TRPM7: variants seen among roughly 807,000 people sequenced by gnomAD.
TRPM7 encodes the protein LTRPC ion channel family member 7.
TRPM7 carries 134 observed loss-of-function variants against 229.7 expected under a neutral mutation model. That is an observed-to-expected ratio of 0.58 (90% CI 0.51 to 0.67). TRPM7 has a LOEUF of 0.67. Among genes scored for constraint, TRPM7 ranks in the 30% least tolerant of loss-of-function variants. The pLI is 0.00. For synonymous variants in TRPM7, 699 were observed against 715.2 expected, an observed-to-expected ratio of 0.98 and a Z score of 0.36; for missense variants, 1,901 against 2,210.0, an observed-to-expected ratio of 0.86 and a Z score of 2.80.
chr15:50,623,342 G>A (rs1028016498), intron 12 of TRPM7, among the ~76,000 whole-genome samples: 6 of 151,982 alleles, frequency 3.9e-5, no homozygotes, highest in African/African-American at 1.5e-4. Context: ...AACCAGGGAG[G>A]CGGAGGCTGC....
chr15:50,667,685 C>T (rs920465394), intron 1 of TRPM7, among the ~76,000 whole-genome samples: 3 of 152,098 alleles, frequency 2.0e-5, no homozygotes, highest in Admixed American at 6.5e-5. Context: ...CCAGCCTGGG[C>T]AACAGAAGGA....
intron 4 of TRPM7, among the ~76,000 whole-genome samples, chr15:50,648,058 G>A (rs1567078224): frequency 6.6e-6 from 1 of 152,152 alleles, no homozygotes; most frequent in Non-Finnish European, 1.5e-5. Context: ...TGATAGGCGT[G>A]AGCCACTGTG....
chr15:50,566,678 G>C (rs182503357), intron 38 of TRPM7, among the ~76,000 whole-genome samples: 28 of 152,236 alleles, frequency 1.8e-4, no homozygotes, highest in Admixed American at 1.5e-3. Flanking sequence ...CCTGGTGACA[G>C]AGTGAGACTC....
Position 50,632,823 on chromosome 15 carries a change from A to G in TRPM7, c.1131+46T>C, listed in dbSNP as rs766437420. 2.0e-6 allele frequency: 3 copies of G among 1,466,982 alleles called. No homozygotes were observed. The Admixed American group carries it at 8.0e-5, about 39-fold the overall frequency. The allele number at this position is 1,466,982 out of a possible 1,614,324, so 90.9% of individuals were successfully genotyped here. ...GTTTAGAATGTGTTTTGAATGAAAG[A>G]AAAATGGCCTATCAGCTTTTTAAAT... On this transcript the variant is annotated intron_variant, in intron 9 of 38. Coordinates refer to ENST00000646667, the MANE Select transcript of TRPM7 (RefSeq NM_017672.6).
chr15:50,651,750 C>A (rs1011208326), intron 3 of TRPM7, among the ~76,000 whole-genome samples: 59 of 151,772 alleles, frequency 3.9e-4, no homozygotes, highest in African/African-American at 1.3e-3. Flanking sequence ...ATAAGCTGGG[C>A]GTCGTGGCAG....
chr15:50,569,315 A>G (rs962248579), intron 38 of TRPM7, among the ~76,000 whole-genome samples: 5 of 152,242 alleles, frequency 3.3e-5, no homozygotes, highest in African/African-American at 1.2e-4. Flanking sequence ...CTGCATACAA[A>G]GATGATGTTA....
At position 50,614,804 on chromosome 15, in the gene TRPM7, C is replaced by T. The variant is rs370219000; in HGVS notation, c.1495-541G>A. Among the ~76,000 whole-genome samples the T allele has an allele frequency of 5.9e-5, 9 of 151,946 alleles. No homozygotes were observed. In the East Asian group the frequency reaches 1.3e-3, roughly 23 times the overall value. Reference sequence around the variant, plus strand: ...AAGTTCTGAGGTCTCAAAGGTGTGCCCTGAGACAGGAGTATGACCTAAAGC... The same window carrying T: ...AAGTTCTGAGGTCTCAAAGGTGTGCTCTGAGACAGGAGTATGACCTAAAGC... On this transcript the variant is annotated intron_variant, in intron 13 of 38. Coordinates refer to ENST00000646667, the MANE Select transcript of TRPM7 (RefSeq NM_017672.6).
chr15:50,583,027 T>A lies in TRPM7; in HGVS notation c.4557+62A>T, dbSNP rs537770012. On this transcript the variant is annotated intron_variant, in intron 29 of 38. Coordinates refer to ENST00000646667, the MANE Select transcript of TRPM7 (RefSeq NM_017672.6). ...GTCCCAAATATCACCACTTTGTAGA[T>A]CTTATCTAAAAAAGTTTAATGTATT... The A allele has an allele frequency of 4.9e-6, 6 of 1,224,030 alleles. No homozygotes were observed. The East Asian group carries it at 1.7e-4, about 34-fold the overall frequency. 75.8% of individuals were successfully genotyped at this position (1,224,030 alleles called of 1,614,324 possible). A position where few individuals can be genotyped will look rare whatever the true frequency, so the allele number is the denominator to read the frequency against.
chr15:50,657,724 A>AT, intron 3 of TRPM7, 57 bp downstream of exon 3: 1 of 1,448,220 alleles, frequency 6.9e-7, no homozygotes, highest in Non-Finnish European at 9.6e-7. Flanking sequence ...CATATTTCTA[A>AT]TAGATTAGTT....
chr15:50,637,919 A>G (rs2060955460), intron 6 of TRPM7, among the ~76,000 whole-genome samples: 1 of 152,210 alleles, frequency 6.6e-6, no homozygotes, highest in Non-Finnish European at 1.5e-5. Context: ...AAACTACAAT[A>G]TATAAAAGAT....
At chr15:50,581,692 A>T (rs967572120) in intron 29 of TRPM7, among the ~76,000 whole-genome samples, 1 of 151,772 alleles carries the variant, frequency 6.6e-6, no homozygotes, top group African/African-American at 2.4e-5. Flanking sequence ...GTGTGGGTTT[A>T]TTTTTACTTC....
rs34002511 is a variant in TRPM7 at position 50,662,326 on chromosome 15, CA to C, written c.83+640del. Among the ~76,000 whole-genome samples the C allele has an allele frequency of 8.2e-3, 1,018 of 124,536 alleles. 5 individuals carry two copies. The highest frequency in any genetic ancestry group is 0.019 in the African/African-American group (692 of 35,508). 81.7% of individuals were successfully genotyped at this position (124,536 alleles called of 152,430 possible). On this transcript the variant is annotated intron_variant, in intron 2 of 38. Transcript: ENST00000646667. ...TGGACGACAGAGCAAGACTCTGTTC[CA>C]AAAAAAAAAAAAAGGTAAAAAGAAT...
rs180717565 is a variant in TRPM7 at position 50,570,858 on chromosome 15, A to C, written c.5309-703T>G. Among the ~76,000 whole-genome samples the C allele has an allele frequency of 1.6e-3, 250 of 151,896 alleles. 1 individual carries two copies. Among genetic ancestry groups the C allele is most frequent in the African/African-American group, 4.0e-3 (167 of 41,338 alleles). ...CAACAGAGTGAAATTCGTCTCAAAA[A>C]AAAAACAAAAACAAAAACAAAAAAC... On this transcript the variant is annotated intron_variant, in intron 36 of 38. Transcript: ENST00000646667.
intron 21 of TRPM7, among the ~76,000 whole-genome samples, chr15:50,602,067 T>G (rs1251360985): frequency 1.3e-5 from 2 of 151,822 alleles, no homozygotes; most frequent in East Asian, 3.9e-4. Flanking sequence ...CATGCTACTA[T>G]AAAGACACAT....
intron 1 of TRPM7, among the ~76,000 whole-genome samples, chr15:50,681,266 C>T (rs2062235585): frequency 9.1e-6 from 1 of 110,070 alleles, no homozygotes; most frequent in South Asian, 3.3e-4. Flanking sequence ...TAAATAAATA[C>T]ACACACACAC....
chr15:50,633,062 G>A (rs2060784993), intron 8 of TRPM7, 70 bp from the exon 9 acceptor site: 1 of 1,394,896 alleles, frequency 7.2e-7, no homozygotes, highest in Non-Finnish European at 9.6e-7. Flanking sequence ...TGAAGTACAG[G>A]TAGATCCATG....
intron 2 of TRPM7, among the ~76,000 whole-genome samples, chr15:50,661,908 T>A (rs1567106568): frequency 6.6e-6 from 1 of 152,166 alleles, no homozygotes; most frequent in Non-Finnish European, 1.5e-5. Context: ...TTTTTTTCTA[T>A]CTTTAGGCCT....
chr15:50,615,362 G>C lies in TRPM7; in HGVS notation c.1495-1099C>G, dbSNP rs189218566. Among the ~76,000 whole-genome samples, 50 of 152,024 alleles carry C rather than the reference G, an allele frequency of 3.3e-4. No individual in the cohort carries two copies. The East Asian group carries it at 9.3e-3, about 28-fold the overall frequency. ...ACTGGTAATATTATAGGTTTTTATA[G>C]TGTTGTCCAGGAATTAACTACCGCT... On this transcript the variant is annotated intron_variant, in intron 13 of 38. Transcript: ENST00000646667.
chr15:50,632,055 C>A (rs1172080222), intron 9 of TRPM7, among the ~76,000 whole-genome samples: 3 of 152,094 alleles, frequency 2.0e-5, no homozygotes, highest in Admixed American at 1.3e-4. Flanking sequence ...GTAATCCCAG[C>A]AATTTGGGAG....
Sources: allele counts gnomAD v4.1 joint callset (sites outside exome capture counted in the v4.1 genomes callset), GRCh38; gene constraint gnomAD v4.1.1; transcripts MANE v1.5; gene names NCBI Gene and HGNC (gene_info 2026-07-23, HGNC 2026-07-21).